JAK2: variants seen among roughly 807,000 people sequenced by gnomAD.
The protein encoded by JAK2 is Janus kinase 2, also known as tyrosine-protein kinase JAK2.
In JAK2, 86 loss-of-function variants were observed where a neutral mutation model predicts 139.3. The ratio of observed to expected loss-of-function variants is 0.62; its 90% CI spans 0.52 to 0.74. JAK2 has a LOEUF of 0.74. Ranked by LOEUF, JAK2 falls within the 30% of genes least tolerant of loss-of-function variation. The pLI is 0.00. For missense variants in JAK2, 1,421 were observed against 1,360.3 expected (o/e 1.04, Z -0.70); for synonymous variants, 490 against 437.7 (o/e 1.12, Z -1.49).
intron 5 of JAK2, among the ~76,000 whole-genome samples, chr9:5,045,313 A>G (rs1258848713): frequency 6.6e-6 from 1 of 152,200 alleles, no homozygotes; most frequent in Non-Finnish European, 1.5e-5. Flanking sequence ...CATTTCTGAG[A>G]GGAAGCCTAG....
At position 5,123,687 on chromosome 9, in the gene JAK2, G is replaced by T. The variant is rs183073081; in HGVS notation, c.3177+566G>T. On this transcript the variant is annotated intron_variant, in intron 23 of 24. Transcript: ENST00000381652. ...TACCCCATAGTGGGAATGCTGGATCGAATGGTAGTTCTATATTTAGGTCTC... is the reference window on the plus strand; with the variant it reads ...TACCCCATAGTGGGAATGCTGGATCTAATGGTAGTTCTATATTTAGGTCTC... 3.3e-3 allele frequency among the ~76,000 whole-genome samples: 495 copies of T among 151,988 alleles called. 1 individual carries two copies. The highest frequency in any genetic ancestry group is 4.2e-3 in the Non-Finnish European group (285 of 67,822).
At chr9:5,077,654 G>C (rs987290872) in intron 15 of JAK2, 74 bp downstream of exon 15, 1 of 966,698 alleles carries the variant, frequency 1.0e-6, no homozygotes, top group Non-Finnish European at 1.4e-6. Flanking sequence ...TCTTTACCTG[G>C]AAACAAAAAA....
intron 16 of JAK2, among the ~76,000 whole-genome samples, chr9:5,080,016 A>G (rs1819575822): frequency 6.6e-6 from 1 of 152,146 alleles, no homozygotes; most frequent in Non-Finnish European, 1.5e-5. Flanking sequence ...CCATGTTGTC[A>G]TTGTTAAAGA....
intron 2 of JAK2, among the ~76,000 whole-genome samples, chr9:4,987,476 C>A (rs574418216): frequency 1.3e-5 from 2 of 152,242 alleles, no homozygotes; most frequent in African/African-American, 4.8e-5. Flanking sequence ...TGGCTCACGC[C>A]TGTAATCCCA....
intron 6 of JAK2, among the ~76,000 whole-genome samples, chr9:5,052,850 C>G (rs1253216205): frequency 2.0e-5 from 3 of 151,960 alleles, no homozygotes; most frequent in African/African-American, 7.2e-5. Context: ...ATTGCTGAAT[C>G]ATTTCATTAT....
At chr9:5,119,974 A>G (rs528346645) in intron 22 of JAK2, among the ~76,000 whole-genome samples, 4 of 152,334 alleles carry the variant, frequency 2.6e-5, no homozygotes, top group African/African-American at 4.8e-5. Flanking sequence ...TTATTGAATA[A>G]TAAACACTGT....
Position 5,069,775 on chromosome 9 carries a change from C to T in JAK2, c.1514-150C>T, listed in dbSNP as rs536671173. On this transcript the variant is annotated intron_variant, in intron 11 of 24. Transcript: ENST00000381652. The stretch of plus-strand genomic sequence containing the variant: ...AAATATCAAAGTTCAATGAGTTGAC[C>T]CCTAAAATAATTTTCTATTATAAAA... 1.3e-5 allele frequency: 5 copies of T among 395,520 alleles called. No individual in the cohort carries two copies. In the East Asian group the frequency reaches 1.9e-4, roughly 15 times the overall value. The allele number at this position is 395,520 out of a possible 1,614,324, so 24.5% of individuals were successfully genotyped here. A position where few individuals can be genotyped will look rare whatever the true frequency, so the allele number is the denominator to read the frequency against.
intron 2 of JAK2, among the ~76,000 whole-genome samples, chr9:5,002,301 A>G (rs981371481): frequency 9.2e-5 from 14 of 151,854 alleles, no homozygotes; most frequent in South Asian, 2.1e-4. Context: ...CTCTCTAACC[A>G]CTATTTTAGC....
chr9:4,994,224 A>G (rs1334808315), intron 2 of JAK2, among the ~76,000 whole-genome samples: 1 of 152,204 alleles, frequency 6.6e-6, no homozygotes, highest in Admixed American at 6.5e-5. Context: ...CCTTATCTCA[A>G]TTAGCCTATG....
rs1348053005 is a variant in JAK2, at chr9:5,090,444, AG to A, written c.2762del. The A allele has an allele frequency of 6.5e-7, 1 of 1,535,548 alleles. No homozygotes were observed. The highest frequency in any genetic ancestry group is 2.3e-5 in the East Asian group (1 of 43,650). ...ACATTATTTCCACCTTTATGTTAAA[AG>A]GTCGGCGTAATCTAAAATTAATTAT... is the stretch of plus-strand genomic sequence containing the variant. On this transcript the variant is annotated splice_acceptor_variant, in intron 20 of 24. Transcript: ENST00000381652. LOFTEE classifies it high-confidence loss of function.
intron 19 of JAK2, among the ~76,000 whole-genome samples, chr9:5,083,947 A>T (rs935435435): frequency 6.6e-6 from 1 of 152,060 alleles, no homozygotes; most frequent in South Asian, 2.1e-4. Context: ...TTTTTCATAT[A>T]TCAAGATTTT....
At chr9:5,007,203 CATT>C (rs1411529055) in intron 2 of JAK2, among the ~76,000 whole-genome samples, 5 of 151,952 alleles carry the variant, frequency 3.3e-5, no homozygotes, top group Admixed American at 2.6e-4. Flanking sequence ...TATTTAATAA[CATT>C]GTTCAGCCTT....
chr9:5,115,331 C>T (rs1823054169), intron 22 of JAK2, among the ~76,000 whole-genome samples: 1 of 152,132 alleles, frequency 6.6e-6, no homozygotes, highest in East Asian at 1.9e-4. Flanking sequence ...CACTGGTCAT[C>T]AGAGAAATGC....
At chr9:5,017,778 T>C (rs1344387246) in intron 2 of JAK2, among the ~76,000 whole-genome samples, 2 of 152,244 alleles carry the variant, frequency 1.3e-5, no homozygotes, top group African/African-American at 4.8e-5. Flanking sequence ...TGCAGTTTTA[T>C]ATCTGTTACA....
In JAK2 at chr9:5,010,933, T is replaced by C. The variant is rs1248567695; in HGVS notation, c.-25-11030T>C. On this transcript the variant is annotated intron_variant, in intron 2 of 24. Coordinates refer to ENST00000381652, the MANE Select transcript of JAK2 (RefSeq NM_004972.4). ...TTGTAGAATTCTGGGTTGACAGCTT[T>C]CCCCCTCTCCCTACCAGTACTTTGT... 2.0e-5 allele frequency among the ~76,000 whole-genome samples: 3 copies of C among 152,310 alleles called. No homozygotes were observed. In the East Asian group the frequency reaches 5.8e-4, roughly 29 times the overall value.
chr9:4,994,603 A>G (rs1820454640), intron 2 of JAK2, among the ~76,000 whole-genome samples: 1 of 152,326 alleles, frequency 6.6e-6, no homozygotes, highest in South Asian at 2.1e-4. Context: ...CACCTACTCA[A>G]TTCCGCCTTT....
At chr9:4,998,916 G>C (rs1289796207) in intron 2 of JAK2, among the ~76,000 whole-genome samples, 2 of 151,940 alleles carry the variant, frequency 1.3e-5, no homozygotes, top group African/African-American at 4.8e-5. Flanking sequence ...CCGCCTCCCG[G>C]GTTCACGCCA....
At chr9:5,045,796 A>G (rs548730418) in intron 5 of JAK2, among the ~76,000 whole-genome samples, 61 of 152,252 alleles carry the variant, frequency 4.0e-4, no homozygotes, top group African/African-American at 1.4e-3. Context: ...TGTATACTGC[A>G]TTTTATTTGT....
chr9:5,086,194 C>T (rs1415594257), intron 19 of JAK2: 2 of 539,730 alleles, frequency 3.7e-6, no homozygotes, highest in African/African-American at 2.1e-5. Context: ...AACAGCCGCG[C>T]CGCCCCCGCC....
Sources: allele counts gnomAD v4.1 joint callset (sites outside exome capture counted in the v4.1 genomes callset), GRCh38; gene constraint gnomAD v4.1.1; transcripts MANE v1.5; gene names NCBI Gene and HGNC (gene_info 2026-07-23, HGNC 2026-07-21).